Variants in ADGRL3 observed in about 807,000 individuals in gnomAD.
ADGRL3 encodes calcium-independent alpha-latrotoxin receptor 3.
In ADGRL3, 62 loss-of-function variants were observed where a neutral mutation model predicts 153.5. The observed-to-expected ratio is 0.40, with a 90% CI of 0.33 to 0.50. ADGRL3 has a LOEUF of 0.50. Among genes scored for constraint, ADGRL3 ranks in the 20% least tolerant of loss-of-function variants. The pLI, the probability that ADGRL3 is intolerant of heterozygous loss-of-function variation, is 0.47. For missense variants in ADGRL3, 1,641 were observed against 1,859.4 expected, an observed-to-expected ratio of 0.88 and a Z score of 2.16; for synonymous variants, 710 against 672.5, an observed-to-expected ratio of 1.06 and a Z score of -0.86.
chr4:62,010,390 T>G (rs1335332753), intron 21 of ADGRL3, among the ~76,000 whole-genome samples: 1 of 152,116 alleles, frequency 6.6e-6, no homozygotes, highest in Non-Finnish European at 1.5e-5. Context: ...AGGAGCTCTG[T>G]GCCAGGAATC....
At chr4:61,597,810 A>T (rs1436157761) in intron 5 of ADGRL3, among the ~76,000 whole-genome samples, 1 of 152,014 alleles carries the variant, frequency 6.6e-6, no homozygotes, top group African/African-American at 2.4e-5. Context: ...CTACTTAGAC[A>T]CTCATTTTTA....
intron 6 of ADGRL3, among the ~76,000 whole-genome samples, chr4:61,726,199 C>CTTTTTTTTTTTTTT (rs1012113549): frequency 4.8e-5 from 4 of 82,990 alleles, no homozygotes; most frequent in East Asian, 4.0e-4. Flanking sequence ...CTCACTGGAA[C>CTTTTTTTTTTTTTT]TTTTTTTTTT....
intron 1 of ADGRL3, among the ~76,000 whole-genome samples, chr4:61,297,251 A>G (rs1304956563): frequency 6.6e-6 from 1 of 152,198 alleles, no homozygotes; most frequent in East Asian, 1.9e-4. Context: ...ATTACTAAAT[A>G]GATCCCAGAA....
At chr4:61,642,749 T>A (rs2093744258) in intron 5 of ADGRL3, among the ~76,000 whole-genome samples, 1 of 152,140 alleles carries the variant, frequency 6.6e-6, no homozygotes, top group Non-Finnish European at 1.5e-5. Flanking sequence ...TCTTTTGGCT[T>A]AGGATTGACA....
At chr4:61,750,810 A>AAAAAAAAAAAAG (rs746270309) in intron 8 of ADGRL3, among the ~76,000 whole-genome samples, 7,704 of 145,314 alleles carry the variant, frequency 0.053, 484 homozygotes, top group African/African-American at 0.15. Context: ...AAAAAAAAAA[A>AAAAAAAAAAAAG]AAGTCAAAGC....
chr4:61,574,872 TTA>T (rs1336176660), intron 4 of ADGRL3, among the ~76,000 whole-genome samples: 2 of 151,796 alleles, frequency 1.3e-5, no homozygotes, highest in Admixed American at 1.3e-4. Flanking sequence ...ATTGGCTAAT[TTA>T]TATGAGAAAA....
intron 2 of ADGRL3, among the ~76,000 whole-genome samples, chr4:61,464,832 A>C (rs2097860743): frequency 6.6e-6 from 1 of 152,170 alleles, no homozygotes; most frequent in African/African-American, 2.4e-5. Flanking sequence ...TTTTCACTTT[A>C]CTGCCTCTTC....
In ADGRL3 at chr4:61,935,021, T is replaced by C. The variant is rs754754978; in HGVS notation, c.2294T>C (p.Ile765Thr). 6.2e-7 allele frequency: 1 copy of C among 1,613,328 alleles called. No individual in the cohort carries two copies. Among genetic ancestry groups the C allele is most frequent in the Non-Finnish European group, 8.5e-7 (1 of 1,179,488 alleles). The change falls in exon 14 of 27, where the codon ATT (isoleucine) becomes ACT (threonine). Residue 765 changes from isoleucine to threonine, a missense_variant and splice_region_variant. Physicochemically the swap from Ile to Thr is moderately conservative, Grantham distance 89. This residue lies in a region of ADGRL3 where 734 missense variants were observed against 797.0 expected (regional missense o/e 0.92). Transcript: ENST00000683033. ...TDIVRENTDN[I>T]KLEVARLSTE... ...ATTGTCAGGGAGAATACAGACAATA[T>C]TAGTAAGTGGCCTTTGTTATTCAGA...
At chr4:61,747,234 A>G (rs995455685) in intron 8 of ADGRL3, among the ~76,000 whole-genome samples, 1 of 150,390 alleles carries the variant, frequency 6.6e-6, no homozygotes, top group Non-Finnish European at 1.5e-5. Context: ...CCAACCAAAA[A>G]GAGTCCAGGA....
At chr4:61,755,734 A>T (rs1332419416) in intron 8 of ADGRL3, among the ~76,000 whole-genome samples, 1 of 152,166 alleles carries the variant, frequency 6.6e-6, no homozygotes, top group African/African-American at 2.4e-5. Context: ...GTTTTATTCT[A>T]GGTTTTTTAT....
chr4:61,402,231 G>C (rs930635137), intron 2 of ADGRL3, among the ~76,000 whole-genome samples: 2 of 152,028 alleles, frequency 1.3e-5, no homozygotes, highest in African/African-American at 4.8e-5. Context: ...TCGTCTATTG[G>C]ATGTCCTGTT....
chr4:61,229,757 A>T (rs1749739003), intron 1 of ADGRL3, among the ~76,000 whole-genome samples: 1 of 151,968 alleles, frequency 6.6e-6, no homozygotes, highest in South Asian at 2.1e-4. Context: ...TTTTTAAAAA[A>T]TTAGCTCTGT....
At chr4:62,052,360 C>A (rs529796391) in intron 25 of ADGRL3, among the ~76,000 whole-genome samples, 1 of 151,362 alleles carries the variant, frequency 6.6e-6, no homozygotes, top group Non-Finnish European at 1.5e-5. Context: ...AAGTTATTCA[C>A]GTCTTTATTT....
chr4:61,334,713 G>T, intron 1 of ADGRL3, among the ~76,000 whole-genome samples: 1 of 151,914 alleles, frequency 6.6e-6, no homozygotes, highest in African/African-American at 2.4e-5. Flanking sequence ...CACGAAACCT[G>T]AAAAAAATTA....
At chr4:61,743,775 C>T (rs183563797) in intron 8 of ADGRL3, among the ~76,000 whole-genome samples, 5 of 152,304 alleles carry the variant, frequency 3.3e-5, no homozygotes, top group East Asian at 3.9e-4. Flanking sequence ...CAGCTCCCAG[C>T]GTGAGTGACG....
intron 25 of ADGRL3, among the ~76,000 whole-genome samples, chr4:62,048,203 C>T (rs188825244): frequency 1.2e-4 from 18 of 152,128 alleles, no homozygotes; most frequent in Admixed American, 2.6e-4. Flanking sequence ...CCAATAATTT[C>T]TGCAGGTCAA....
At chr4:61,334,882 T>C (rs181484212) in intron 1 of ADGRL3, among the ~76,000 whole-genome samples, 1 of 152,084 alleles carries the variant, frequency 6.6e-6, no homozygotes, top group Non-Finnish European at 1.5e-5. Flanking sequence ...TAAATAGGGA[T>C]AAAATCTAGA....
chr4:62,000,654 C>T (rs1402367724), intron 21 of ADGRL3, among the ~76,000 whole-genome samples: 1 of 151,956 alleles, frequency 6.6e-6, no homozygotes, highest in Admixed American at 6.6e-5. Context: ...TATACCTGAC[C>T]ATTAAATGGG....
intron 9 of ADGRL3, among the ~76,000 whole-genome samples, chr4:61,870,564 G>A (rs2098437680): frequency 6.6e-6 from 1 of 151,952 alleles, no homozygotes; most frequent in African/African-American, 2.4e-5. Context: ...CTGATAAGGG[G>A]CTTATATTCA....
Sources: gnomAD v4.1 joint callset for allele counts (sites outside exome capture counted in the v4.1 genomes callset) on GRCh38, gnomAD v4.1.1 for gene constraint, gnomAD v4.1.1 regional missense constraint, MANE v1.5 for transcripts, NCBI Gene and HGNC (gene_info 2026-07-23, HGNC 2026-07-21) for gene names.